The following NUBPL variants were observed in gnomAD, a reference collection of about 807,000 sequenced individuals.
NUBPL encodes the protein NUBP iron-sulfur cluster assembly factor, mitochondrial, also known as iron-sulfur cluster transfer protein NUBPL.
NUBPL carries 31 observed loss-of-function variants against 45.7 expected under a neutral mutation model. The observed-to-expected ratio is 0.68, with a 90% confidence interval of 0.51 to 0.92. The LOEUF is 0.92. Among genes scored for constraint, NUBPL ranks in the 40% least tolerant of loss-of-function variants. The pLI is 0.00. For missense variants in NUBPL, 401 were observed against 398.7 expected (o/e 1.01, Z -0.05); for synonymous variants, 144 against 140.9 (o/e 1.02, Z -0.15).
intron 7 of NUBPL, among the ~76,000 whole-genome samples, chr14:31,820,412 A>G (rs1049071555): frequency 2.6e-5 from 4 of 152,210 alleles, no homozygotes; most frequent in African/African-American, 9.6e-5. Flanking sequence ...AAAAATTTAA[A>G]TTTAACAGGT....
intron 7 of NUBPL, among the ~76,000 whole-genome samples, chr14:31,811,929 T>C (rs186773685): frequency 9.8e-5 from 15 of 152,320 alleles, no homozygotes; most frequent in Admixed American, 8.5e-4. Flanking sequence ...AGACCCTGTT[T>C]TCCTGGGTTT....
chr14:31,769,700 A>T (rs919019012), intron 6 of NUBPL, among the ~76,000 whole-genome samples: 1 of 151,458 alleles, frequency 6.6e-6, no homozygotes, highest in African/African-American at 2.4e-5. Flanking sequence ...GTGCTTTTGG[A>T]TAAAAATTCC....
chr14:31,781,670 T>G (rs1035320423), intron 6 of NUBPL, among the ~76,000 whole-genome samples: 38 of 152,232 alleles, frequency 2.5e-4, no homozygotes, highest in African/African-American at 9.2e-4. Context: ...GTTCTGTGCT[T>G]TAATATCAAC....
intron 2 of NUBPL, among the ~76,000 whole-genome samples, chr14:31,564,207 A>G (rs2033374733): frequency 6.6e-6 from 1 of 152,326 alleles, no homozygotes; most frequent in Non-Finnish European, 1.5e-5. Flanking sequence ...GCTGGTCTAA[A>G]GCTGGCTTTG....
intron 6 of NUBPL, among the ~76,000 whole-genome samples, chr14:31,780,540 T>C (rs543337637): frequency 2.0e-5 from 3 of 152,276 alleles, no homozygotes; most frequent in African/African-American, 7.2e-5. Flanking sequence ...TGACAGAAAA[T>C]TTCCTAAGTC....
intron 3 of NUBPL, among the ~76,000 whole-genome samples, chr14:31,583,494 T>C (rs1008218152): frequency 6.6e-6 from 1 of 152,216 alleles, no homozygotes; most frequent in Non-Finnish European, 1.5e-5. Context: ...AAAGAAGTCC[T>C]GTCCTCAGGA....
At chr14:31,804,648 G>A (rs1409469379) in intron 7 of NUBPL, among the ~76,000 whole-genome samples, 1 of 152,142 alleles carries the variant, frequency 6.6e-6, no homozygotes, top group Non-Finnish European at 1.5e-5. Flanking sequence ...ATGACCATTT[G>A]ATCTTCAATA....
intron 4 of NUBPL, among the ~76,000 whole-genome samples, chr14:31,665,324 A>G (rs1376940595): frequency 1.3e-5 from 2 of 152,030 alleles, no homozygotes; most frequent in African/African-American, 2.4e-5. Context: ...TAAGGTGTCT[A>G]TTTTAGATCT....
At chr14:31,718,897 C>CT (rs2037746736) in intron 6 of NUBPL, among the ~76,000 whole-genome samples, 1 of 152,126 alleles carries the variant, frequency 6.6e-6, no homozygotes, top group African/African-American at 2.4e-5. Flanking sequence ...GAATAAATCT[C>CT]TTTTTTGCAT....
intron 7 of NUBPL, among the ~76,000 whole-genome samples, chr14:31,826,198 G>T (rs1446809360): frequency 6.6e-6 from 1 of 151,752 alleles, no homozygotes; most frequent in Non-Finnish European, 1.5e-5. Context: ...TCCGCTCACC[G>T]CAACCTCTGT....
intron 7 of NUBPL, among the ~76,000 whole-genome samples, chr14:31,822,609 C>G (rs895331952): frequency 1.3e-5 from 2 of 151,908 alleles, no homozygotes; most frequent in African/African-American, 2.4e-5. Context: ...GGGCAAAACC[C>G]AGAGGCTGAT....
intron 6 of NUBPL, among the ~76,000 whole-genome samples, chr14:31,734,097 C>A (rs1380309883): frequency 1.3e-5 from 2 of 152,090 alleles, no homozygotes; most frequent in Non-Finnish European, 2.9e-5. Context: ...GGAATTAAAT[C>A]ATTTTGTCAT....
At chr14:31,816,299 T>G (rs968144953) in intron 7 of NUBPL, among the ~76,000 whole-genome samples, 2 of 152,224 alleles carry the variant, frequency 1.3e-5, no homozygotes, top group African/African-American at 4.8e-5. Context: ...TTCTCCTAGA[T>G]GTTCTAGTTT....
At chr14:31,777,536 T>TAAA (rs2039117882) in intron 6 of NUBPL, among the ~76,000 whole-genome samples, 1 of 152,124 alleles carries the variant, frequency 6.6e-6, no homozygotes, top group African/African-American at 2.4e-5. Flanking sequence ...GCTAGAACAA[T>TAAA]TTTAAAGAGC....
At chr14:31,646,474 C>T (rs1399416814) in intron 4 of NUBPL, among the ~76,000 whole-genome samples, 5 of 152,208 alleles carry the variant, frequency 3.3e-5, no homozygotes, top group African/African-American at 1.2e-4. Context: ...AGGCATGAGC[C>T]ACCACGCTTG....
At chr14:31,641,611 T>C (rs2035702050) in intron 4 of NUBPL, among the ~76,000 whole-genome samples, 1 of 152,258 alleles carries the variant, frequency 6.6e-6, no homozygotes, top group South Asian at 2.1e-4. Context: ...TTCCATATTT[T>C]AGGTCTTGTG....
At chr14:31,813,488 C>T (rs1284025397) in intron 7 of NUBPL, among the ~76,000 whole-genome samples, 5 of 151,196 alleles carry the variant, frequency 3.3e-5, no homozygotes, top group Non-Finnish European at 5.9e-5. Flanking sequence ...TATATATATA[C>T]ACACATACAT....
intron 4 of NUBPL, among the ~76,000 whole-genome samples, chr14:31,629,676 G>T (rs780390722): frequency 6.6e-6 from 1 of 152,124 alleles, no homozygotes; most frequent in East Asian, 1.9e-4. Context: ...CAAGACTGAC[G>T]AATGGGGAGG....
At chr14:31,632,667 G>A (rs2035375873) in intron 4 of NUBPL, among the ~76,000 whole-genome samples, 1 of 152,170 alleles carries the variant, frequency 6.6e-6, no homozygotes, top group Admixed American at 6.5e-5. Flanking sequence ...AAGAACTGAT[G>A]AAAGCAAGAA....
Sources: allele counts gnomAD v4.1 joint callset (sites outside exome capture counted in the v4.1 genomes callset), GRCh38; gene constraint gnomAD v4.1.1; transcripts MANE v1.5; gene names NCBI Gene and HGNC (gene_info 2026-07-23, HGNC 2026-07-21).